Variants in CPXM1 observed in about 807,000 individuals in gnomAD.
CPXM1 encodes the protein probable carboxypeptidase X1.
CPXM1 carries 72 observed loss-of-function variants against 80.4 expected under a neutral mutation model. The observed-to-expected ratio is 0.90, with a 90% CI of 0.74 to 1.09. The LOEUF (loss-of-function observed/expected upper bound fraction) is 1.09, where lower values mean the gene tolerates loss of function less well. Among genes scored for constraint, CPXM1 ranks in the 50% least tolerant of loss-of-function variants. The pLI is 0.00. For synonymous variants in CPXM1, 403 were observed against 405.6 expected, an observed-to-expected ratio of 0.99 and a Z score of 0.08; for missense variants, 892 against 999.4, an observed-to-expected ratio of 0.89 and a Z score of 1.45.
rs1413991922 is a variant in CPXM1 at position 2,794,951 on chromosome 20, G to A, written c.1861-312C>T. ...CTATTACAAGGGTTATGAGCTCCAT[G>A]GAACATGAAGCTTCTATGCCAGGAC... On this transcript the variant is annotated intron_variant, in intron 12 of 13. Coordinates refer to ENST00000380605, the MANE Select transcript of CPXM1 (RefSeq NM_019609.5). This position sits in a 1 kb window ranked among gnomAD's most constrained non-coding sequence, Gnocchi z 5.2. Among the ~76,000 whole-genome samples the A allele has an allele frequency of 6.6e-6, 1 of 152,140 alleles. No homozygotes were observed. The highest frequency in any genetic ancestry group is 1.5e-5 in the Non-Finnish European group (1 of 68,014).
rs2088483507 is a variant in CPXM1 at position 2,794,432 on chromosome 20, C to T, written c.1964-1G>A. On this transcript the variant is annotated splice_acceptor_variant, in intron 13 of 13. Transcript: ENST00000380605. LOFTEE classifies it high-confidence loss of function. The surrounding 1 kb of genome is among the most constrained non-coding windows in gnomAD (Gnocchi z 5.2). ...AGACGCCAATAATCCCCGCCCCACG[C>T]TGAGGAGAGTGAAGGGCACGATCAG... 6.2e-6 allele frequency: 10 copies of T among 1,613,644 alleles called. No homozygotes were observed. Among genetic ancestry groups the T allele is most frequent in the Non-Finnish European group, 8.5e-6 (10 of 1,179,718 alleles).
At position 2,797,241 on chromosome 20, in the gene CPXM1, C is replaced by T. The variant is rs1187999264; in HGVS notation, c.783G>A (p.Gln261=). The change falls in exon 6 of 14, where the codon CAG becomes CAA. Residue 261 remains glutamine, a synonymous_variant. Coordinates refer to ENST00000380605, the MANE Select transcript of CPXM1 (RefSeq NM_019609.5). Reference sequence around the variant, plus strand: ...CTGCCCGGAGGCAAGGCGCGCCTCCCTGGAGCCAGGTCTGGGGCAGCAGGC... The same window carrying T: ...CTGCCCGGAGGCAAGGCGCGCCTCCTTGGAGCCAGGTCTGGGGCAGCAGGC... ...FIRLLPQTWL[Q]GGAPCLRAEI... 1.3e-6 allele frequency: 2 copies of T among 1,571,852 alleles called. No homozygotes were observed.
At chr20:2,800,296 G>T in intron 1 of CPXM1, 105 bp downstream of exon 1, 2 of 1,021,186 alleles carry the variant, frequency 2.0e-6, no homozygotes, top group Non-Finnish European at 2.7e-6. Flanking sequence ...CTGTGAGTGT[G>T]CGTGGGTGTG....
chr20:2,798,781 G>A lies in CPXM1; in HGVS notation c.285C>T (p.Pro95=). 1 of 1,613,958 alleles carries A rather than the reference G, an allele frequency of 6.2e-7. No individual in the cohort carries two copies. Among genetic ancestry groups the A allele is most frequent in the Non-Finnish European group, 8.5e-7 (1 of 1,179,994 alleles). The change falls in exon 2 of 14, where the codon CCC becomes CCT. Residue 95 remains proline (P), a synonymous_variant. Coordinates refer to ENST00000380605, the MANE Select transcript of CPXM1 (RefSeq NM_019609.5). The part of the protein sequence containing the change: ...TRPTPLVTAG[P]LVTPTPAGTL... ...TCCCTGCTGGAGTGGGGGTCACAAG[G>A]GGCCCGGCAGTCACCAGTGGGGTGG...
At position 2,795,027 on chromosome 20, in the gene CPXM1, A is replaced by G. The variant is rs1450533238; in HGVS notation, c.1860+250T>C. 6.6e-6 allele frequency among the ~76,000 whole-genome samples: 1 copy of G among 152,138 alleles called. No homozygotes were observed. Among genetic ancestry groups the G allele is most frequent in the Non-Finnish European group, 1.5e-5 (1 of 68,018 alleles). ...TCTCTCCTGAGGATAGCTCTGGGGC[A>G]GCGCCACGGACCACCACCTAGACTG... On this transcript the variant is annotated intron_variant, in intron 12 of 13. Coordinates refer to ENST00000380605, the MANE Select transcript of CPXM1 (RefSeq NM_019609.5). This position sits in a 1 kb window ranked among gnomAD's most constrained non-coding sequence, Gnocchi z 5.4.
rs1004487590 is a variant in CPXM1 at position 2,795,260 on chromosome 20, C to A, written c.1860+17G>T. 6.2e-7 allele frequency: 1 copy of A among 1,610,120 alleles called. No homozygotes were observed. The highest frequency in any genetic ancestry group is 1.3e-5 in the African/African-American group (1 of 74,978). On this transcript the variant is annotated intron_variant, in intron 12 of 13. Coordinates refer to ENST00000380605, the MANE Select transcript of CPXM1 (RefSeq NM_019609.5). This position sits in a 1 kb window ranked among gnomAD's most constrained non-coding sequence, Gnocchi z 5.4. ...GGAGTGATTCAGGCAGGCTGGGGGC[C>A]GGGACGCAGATCCGACCTGCTCCAG...
chr20:2,797,719 C>G (rs183853698), intron 5 of CPXM1, among the ~76,000 whole-genome samples: 4 of 152,272 alleles, frequency 2.6e-5, no homozygotes, highest in Admixed American at 2.6e-4. Context: ...AAGGGGCACG[C>G]CAGGAGGAAG....
rs1312069424 is a variant in CPXM1, at chr20:2,797,993, C to T, written c.656G>A (p.Arg219Lys). The change falls in exon 5 of 14, where the codon AGG becomes AAG. Residue 219 changes from arginine (R) to lysine (K), a missense_variant. Arg to Lys is a conservative substitution (Grantham distance 26). Coordinates refer to ENST00000380605, the MANE Select transcript of CPXM1 (RefSeq NM_019609.5). ...SNDSRTWWGS[R>K]NHSSGMDAVF... is the part of the protein sequence containing the mutation. Reference sequence around the variant, plus strand: ...TGCGTCCATCCCACTGCTGTGGTTCCTACTTCCCCACCAGGTCCGACTGTC... The same window carrying T: ...TGCGTCCATCCCACTGCTGTGGTTCTTACTTCCCCACCAGGTCCGACTGTC... 14 of 1,613,974 alleles carry T rather than the reference C, an allele frequency of 8.7e-6. No individual in the cohort carries two copies. Among genetic ancestry groups the T allele is most frequent in the South Asian group, 3.3e-5 (3 of 91,090 alleles).
Position 2,796,204 on chromosome 20 carries a change from C to T in CPXM1, c.1242+43G>A, listed in dbSNP as rs772651794. On this transcript the variant is annotated intron_variant, in intron 9 of 13. Coordinates refer to ENST00000380605, the MANE Select transcript of CPXM1 (RefSeq NM_019609.5). The surrounding 1 kb of genome is among the most constrained non-coding windows in gnomAD (Gnocchi z 6.8). The stretch of plus-strand genomic sequence containing the variant: ...TGTTCAAGTCGAGCAGGTCCAGCCA[C>T]CAGGGCAGAAGGACAGAGTGGCCCT... 1 of 1,609,452 alleles carries T rather than the reference C, an allele frequency of 6.2e-7. No individual in the cohort carries two copies. Among genetic ancestry groups the T allele is most frequent in the South Asian group, 1.1e-5 (1 of 90,460 alleles).
At position 2,795,452 on chromosome 20, in the gene CPXM1, G is replaced by T; in HGVS notation, c.1721-36C>A. 1.2e-6 allele frequency: 2 copies of T among 1,606,544 alleles called. No homozygotes were observed. The highest frequency in any genetic ancestry group is 1.1e-5 in the South Asian group (1 of 90,674). On this transcript the variant is annotated intron_variant, in intron 11 of 13. Coordinates refer to ENST00000380605, the MANE Select transcript of CPXM1 (RefSeq NM_019609.5). The surrounding 1 kb of genome is among the most constrained non-coding windows in gnomAD (Gnocchi z 5.4). ...CACAGACACTGCTGCCTAAGCAGGC[G>T]GGATGCGGTCCCATCCTCCCGCTAC...
Position 2,797,233 on chromosome 20 carries a change from G to A in CPXM1, c.791C>T (p.Ala264Val), listed in dbSNP as rs145346112. ...LLPQTWLQGG[A>V]PCLRAEILAC... is the part of the protein sequence containing the mutation. ...CAGGATCTCTGCCCGGAGGCAAGGC[G>A]CGCCTCCCTGGAGCCAGGTCTGGGG... is the stretch of plus-strand genomic sequence containing the variant. The change falls in exon 6 of 14, where the codon GCG becomes GTG. Residue 264 changes from alanine to valine, a missense_variant. By Grantham distance (64) the Ala-to-Val change is moderately conservative (BLOSUM62 0). Coordinates refer to ENST00000380605, the MANE Select transcript of CPXM1 (RefSeq NM_019609.5). 3.3e-5 allele frequency: 52 copies of A among 1,572,228 alleles called. No individual in the cohort carries two copies. In the African/African-American group the frequency reaches 3.9e-4, roughly 12 times the overall value.
Position 2,797,009 on chromosome 20 carries a change from C to T in CPXM1, c.918G>A (p.Arg306=), listed in dbSNP as rs1280680187. ...GGTCATAGGGGTTATATCTGACCTT[C>T]CTCATGGCCTTGTAATTGTGATGCT... is the stretch of plus-strand genomic sequence containing the variant. ...DFQHHNYKAM[R]KLMKQVQEQC... is the part of the protein sequence containing the mutation. Residue 306 remains arginine, a synonymous_variant, in exon 7 of 14, where the codon AGG becomes AGA. Transcript: ENST00000380605. The T allele has an allele frequency of 1.9e-6, 3 of 1,613,862 alleles. No homozygotes were observed. Among genetic ancestry groups the T allele is most frequent in the East Asian group, 2.2e-5 (1 of 44,900 alleles).
At position 2,795,781 on chromosome 20, in the gene CPXM1, G is replaced by A. The variant is rs774433970; in HGVS notation, c.1538C>T (p.Thr513Ile). ...VVSYPFDMTR[T>I]PWAARELTPT... is the part of the protein sequence containing the mutation. ...CGTGAGCTCGCGGGCAGCCCACGGG[G>A]TGCGAGTCATGTCGAATGGGTAGGA... is the stretch of plus-strand genomic sequence containing the variant. Residue 513 changes from threonine to isoleucine, a missense_variant, in exon 11 of 14, where the codon ACC becomes ATC. By Grantham distance (89) the Thr-to-Ile change is moderately conservative. This residue lies in a region of CPXM1 where 874 missense variants were observed against 958.4 expected (regional missense o/e 0.91). Coordinates refer to ENST00000380605, the MANE Select transcript of CPXM1 (RefSeq NM_019609.5). The surrounding 1 kb of genome is among the most constrained non-coding windows in gnomAD (Gnocchi z 5.4). The A allele has an allele frequency of 1.2e-6, 2 of 1,612,920 alleles. No individual in the cohort carries two copies. The highest frequency in any genetic ancestry group is 2.2e-5 in the East Asian group (1 of 44,890).
chr20:2,800,460 G>A lies in CPXM1; in HGVS notation c.113C>T (p.Pro38Leu). Residue 38 changes from proline (P) to leucine (L), a missense_variant, in exon 1 of 14, where the codon CCA (proline) becomes CTA (leucine). Around this residue, in one of 2 missense-constraint regions of CPXM1, gnomAD observed 874 missense variants for 958.4 expected, o/e 0.91. Coordinates refer to ENST00000380605, the MANE Select transcript of CPXM1 (RefSeq NM_019609.5). ...GCTATGCAGGGCCGGGGTCGAGCCT[G>A]GGACCTTGGTGGTCCCGGGCTGCGC... Reference protein sequence around the residue: ...GLAQPGTTKVPGSTPALHSSP... With the variant: ...GLAQPGTTKVLGSTPALHSSP... The A allele has an allele frequency of 1.3e-6, 2 of 1,487,182 alleles. No homozygotes were observed. Among genetic ancestry groups the A allele is most frequent in the East Asian group, 2.8e-5 (1 of 35,206 alleles). The allele number at this position is 1,487,182 out of a possible 1,614,324, so 92.1% of individuals were successfully genotyped here.
chr20:2,797,856 C>G (rs1489937269), intron 5 of CPXM1, 112 bp downstream of exon 5: 21 of 958,706 alleles, frequency 2.2e-5, no homozygotes, highest in Admixed American at 8.1e-5. Context: ...CCACACCCCC[C>G]TGGGAAGCCT....
intron 1 of CPXM1, among the ~76,000 whole-genome samples, chr20:2,799,981 A>T (rs900336815): frequency 6.6e-6 from 1 of 152,076 alleles, no homozygotes; most frequent in Non-Finnish European, 1.5e-5. Context: ...GCAGCATCCC[A>T]CTGGCGCCTG....
At chr20:2,797,945 C>T in intron 5 of CPXM1, 23 bp downstream of exon 5, 2 of 1,609,954 alleles carry the variant, frequency 1.2e-6, no homozygotes, top group Non-Finnish European at 1.7e-6. Flanking sequence ...CATGGAGGCC[C>T]CAGCCACAGT....
chr20:2,800,484 G>T lies in CPXM1; in HGVS notation c.89C>A (p.Ala30Glu). The change falls in exon 1 of 14, where the codon GCG becomes GAG. Residue 30 changes from alanine (A) to glutamate (E), a missense_variant. Physicochemically the swap from Ala to Glu is moderately radical, Grantham distance 107 (BLOSUM62 -1). Around this residue, in one of 2 missense-constraint regions of CPXM1, gnomAD observed 874 missense variants for 958.4 expected, o/e 0.91. Coordinates refer to ENST00000380605, the MANE Select transcript of CPXM1 (RefSeq NM_019609.5). ...TGGGACCTTGGTGGTCCCGGGCTGCGCGAGGCCCAGCACCGAGTTCCTGGG... is the reference window on the plus strand; with the variant it reads ...TGGGACCTTGGTGGTCCCGGGCTGCTCGAGGCCCAGCACCGAGTTCCTGGG... Reference protein sequence around the residue: ...GAPRNSVLGLAQPGTTKVPGS... With the variant: ...GAPRNSVLGLEQPGTTKVPGS... 1 of 1,433,508 alleles carries T rather than the reference G, an allele frequency of 7.0e-7. No individual in the cohort carries two copies. Among genetic ancestry groups the T allele is most frequent in the South Asian group, 1.4e-5 (1 of 70,232 alleles). 88.8% of individuals were successfully genotyped at this position (1,433,508 alleles called of 1,614,324 possible). A position where few individuals can be genotyped will look rare whatever the true frequency, so the allele number is the denominator to read the frequency against.
rs369610590 is a variant in CPXM1 at position 2,794,567 on chromosome 20, C to T, written c.1933G>A (p.Val645Met). 29 of 1,613,878 alleles carry T rather than the reference C, an allele frequency of 1.8e-5. No homozygotes were observed. The highest frequency in any genetic ancestry group is 1.0e-4 in the Admixed American group (6 of 60,004). Residue 645 changes from valine to methionine, a missense_variant, in exon 13 of 14, where the codon GTG becomes ATG. Around this residue, in one of 2 missense-constraint regions of CPXM1, gnomAD observed 874 missense variants for 958.4 expected, o/e 0.91. Coordinates refer to ENST00000380605, the MANE Select transcript of CPXM1 (RefSeq NM_019609.5). The surrounding 1 kb of genome is among the most constrained non-coding windows in gnomAD (Gnocchi z 5.2). ...ELGIADAVIA[V>M]DGINHDVTTA... ...GTCACGTCATGGTTAATCCCATCCACGGCAATGACAGCGTCAGCAATCCCA... is the reference window on the plus strand; with the variant it reads ...GTCACGTCATGGTTAATCCCATCCATGGCAATGACAGCGTCAGCAATCCCA...
Sources: gnomAD v4.1 joint callset for allele counts (sites outside exome capture counted in the v4.1 genomes callset) on GRCh38, gnomAD v4.1.1 for gene constraint, gnomAD v4.1.1 regional missense constraint, Gnocchi (gnomAD v3.1) non-coding constraint, MANE v1.5 for transcripts, NCBI Gene and HGNC (gene_info 2026-07-23, HGNC 2026-07-21) for gene names.